The following SHANK2 variants were observed in gnomAD, a reference collection of about 807,000 sequenced individuals.
The protein encoded by SHANK2 is SH3 and multiple ankyrin repeat domains protein 2.
SHANK2 carries 43 observed loss-of-function variants against 133.7 expected under a neutral mutation model. The observed-to-expected ratio is 0.32, with a 90% CI of 0.25 to 0.41. The LOEUF (loss-of-function observed/expected upper bound fraction) is 0.41. Ranked by LOEUF, SHANK2 falls within the 10% of genes least tolerant of loss-of-function variation. The pLI is 1.00. For synonymous variants in SHANK2, 1,017 were observed against 952.8 expected (o/e 1.07, Z -1.24); for missense variants, 1,994 against 2,235.8 (o/e 0.89, Z 2.18).
chr11:70,816,666 G>A (rs1948404616), intron 12 of SHANK2, among the ~76,000 whole-genome samples: 1 of 152,220 alleles, frequency 6.6e-6, no homozygotes, highest in Admixed American at 6.5e-5. Flanking sequence ...ACAAGGAGCA[G>A]AGGGGCTCAG....
chr11:70,531,172 A>C lies in SHANK2; in HGVS notation c.2062-28241T>G, dbSNP rs540792434. 2.1e-3 allele frequency among the ~76,000 whole-genome samples: 321 copies of C among 151,424 alleles called. 5 individuals carry two copies. Among genetic ancestry groups the C allele is most frequent in the Middle Eastern group, 3.4e-3 (1 of 294 alleles). ...GACTGTCTCAAAAAAAAAAAAAAAA[A>C]AAAAAAAAACAAAAAGGCTAAGATT... On this transcript the variant is annotated intron_variant, in intron 17 of 25. Coordinates refer to ENST00000601538, the MANE Select transcript of SHANK2 (RefSeq NM_012309.5).
intron 2 of SHANK2, among the ~76,000 whole-genome samples, chr11:71,161,420 C>G (rs577471957): frequency 6.6e-6 from 1 of 152,288 alleles, no homozygotes; most frequent in African/African-American, 2.4e-5. Context: ...TCTTCCTGAT[C>G]CAGGAGAGAT....
chr11:70,519,261 A>G (rs1401807517), intron 17 of SHANK2, among the ~76,000 whole-genome samples: 1 of 152,200 alleles, frequency 6.6e-6, no homozygotes, highest in Non-Finnish European at 1.5e-5. Flanking sequence ...ACTCTGAGGC[A>G]CAGTGTATGT....
At chr11:70,478,488 G>T (rs2058692548) in intron 25 of SHANK2, among the ~76,000 whole-genome samples, 1 of 152,236 alleles carries the variant, frequency 6.6e-6, no homozygotes, top group African/African-American at 2.4e-5. Flanking sequence ...CATCTTGCAT[G>T]AAAATAGCAC....
rs536279771 is a variant in SHANK2 at position 71,157,065 on chromosome 11, T to C, written c.-12-9727A>G. On this transcript the variant is annotated intron_variant, in intron 2 of 25. Transcript: ENST00000601538. ...CACCAACATGACACATGTATACATA[T>C]GTAACAAACCTGCACGTTGTGCACA... is the stretch of plus-strand genomic sequence containing the variant. 1.4e-4 allele frequency among the ~76,000 whole-genome samples: 22 copies of C among 152,304 alleles called. 1 individual carries two copies. In the South Asian group the frequency reaches 4.2e-3, roughly 29 times the overall value.
chr11:70,588,916 CAT>C (rs1480469147), intron 17 of SHANK2, among the ~76,000 whole-genome samples: 4 of 152,248 alleles, frequency 2.6e-5, no homozygotes, highest in Non-Finnish European at 4.4e-5. Flanking sequence ...CTCCCGGGTT[CAT>C]GCCATTCTCC....
chr11:71,133,060 G>A (rs1229886739), intron 3 of SHANK2, among the ~76,000 whole-genome samples: 5 of 152,148 alleles, frequency 3.3e-5, no homozygotes, highest in South Asian at 2.1e-4. Context: ...AGGACATGGC[G>A]GGGCTACTCA....
chr11:71,085,700 T>C lies in SHANK2; in HGVS notation c.912+6722A>G, dbSNP rs1479514194. Among the ~76,000 whole-genome samples the C allele has an allele frequency of 5.5e-4, 16 of 28,988 alleles. No individual in the cohort carries two copies. The East Asian group carries it at 6.4e-3, about 12-fold the overall frequency. 19.0% of individuals were successfully genotyped at this position (28,988 alleles called of 152,430 possible). The stretch of plus-strand genomic sequence containing the variant: ...ATATATAATATAATATATAACATAT[T>C]ATATGTTATATATATTATATTATAT... On this transcript the variant is annotated intron_variant, in intron 8 of 25. Coordinates refer to ENST00000601538, the MANE Select transcript of SHANK2 (RefSeq NM_012309.5).
intron 10 of SHANK2, chr11:70,952,687 G>A (rs927296448): frequency 1.4e-5 from 5 of 346,534 alleles, no homozygotes; most frequent in South Asian, 2.2e-5. Context: ...ATGCAAAGGT[G>A]AGGCTGCTTC....
Position 70,580,826 on chromosome 11 carries a change from T to C in SHANK2, c.2062-77895A>G, listed in dbSNP as rs574127638. ...CACAAAGCCTGTGCTGCTCTCAAAG[T>C]CTGGAGCCAGTTTGGCTGGGGGGAC... On this transcript the variant is annotated intron_variant, in intron 17 of 25. Coordinates refer to ENST00000601538, the MANE Select transcript of SHANK2 (RefSeq NM_012309.5). 4.6e-5 allele frequency among the ~76,000 whole-genome samples: 7 copies of C among 152,306 alleles called. No homozygotes were observed. The East Asian group carries it at 1.4e-3, about 29-fold the overall frequency.
chr11:70,661,140 G>A (rs1429899304), intron 16 of SHANK2, among the ~76,000 whole-genome samples: 25 of 152,154 alleles, frequency 1.6e-4, no homozygotes, highest in Admixed American at 1.6e-3. Flanking sequence ...GCCGCCCTTG[G>A]AGCCAAAGCC....
chr11:70,754,581 C>T (rs1946825345), intron 14 of SHANK2, among the ~76,000 whole-genome samples: 2 of 152,194 alleles, frequency 1.3e-5, no homozygotes, highest in African/African-American at 4.8e-5. Context: ...CCGGTGAGCT[C>T]GAGCAGAGCC....
At chr11:71,083,573 C>T (rs1020927267) in intron 8 of SHANK2, among the ~76,000 whole-genome samples, 1 of 152,132 alleles carries the variant, frequency 6.6e-6, no homozygotes, top group Admixed American at 6.5e-5. Flanking sequence ...GGCCAACAGA[C>T]AGCATGAGGA....
chr11:70,553,092 A>G (rs966100959), intron 17 of SHANK2, among the ~76,000 whole-genome samples: 1 of 151,960 alleles, frequency 6.6e-6, no homozygotes, highest in South Asian at 2.1e-4. Context: ...TGACTTTAAT[A>G]ATCTCCTTTA....
In SHANK2 at chr11:70,739,938, T is replaced by TA. The variant is rs1385521687; in HGVS notation, c.1778-41176dup. ...ATCCTGGCATTCGGTGGCACGCAGG[T>TA]AGGGCACAGAAGTCCAGCTTGGCTC... On this transcript the variant is annotated intron_variant, in intron 14 of 25. Transcript: ENST00000601538. The surrounding 1 kb of genome is among the most constrained non-coding windows in gnomAD (Gnocchi z 4.3). Among the ~76,000 whole-genome samples the TA allele has an allele frequency of 3.9e-5, 6 of 152,164 alleles. No homozygotes were observed. The highest frequency in any genetic ancestry group is 1.4e-4 in the African/African-American group (6 of 41,424).
At position 70,486,865 on chromosome 11, in the gene SHANK2, G is replaced by A. The variant is rs781984404; in HGVS notation, c.3428C>T (p.Ser1143Phe). The change falls in exon 25 of 26, where the codon TCC becomes TTC. Residue 1143 changes from serine to phenylalanine, a missense_variant. Transcript: ENST00000601538. The surrounding 1 kb of genome is among the most constrained non-coding windows in gnomAD (Gnocchi z 8.0). The part of the protein sequence containing the change: ...ADEDSAEQLS[S>F]PMPSATPREP... ...CCTGGGCGTGGCACTCGGCATGGGGGATGACAGCTGCTCAGCGCTGTCCTC... is the reference window on the plus strand; with the variant it reads ...CCTGGGCGTGGCACTCGGCATGGGGAATGACAGCTGCTCAGCGCTGTCCTC... 6.2e-7 allele frequency: 1 copy of A among 1,612,738 alleles called. No individual in the cohort carries two copies. Among genetic ancestry groups the A allele is most frequent in the Non-Finnish European group, 8.5e-7 (1 of 1,179,924 alleles).
At chr11:71,131,973 C>A (rs1565469250) in intron 3 of SHANK2, among the ~76,000 whole-genome samples, 1 of 152,180 alleles carries the variant, frequency 6.6e-6, no homozygotes, top group Non-Finnish European at 1.5e-5. Flanking sequence ...TAAGGGGGTC[C>A]CCGAGGCCGA....
chr11:70,713,932 A>G (rs1783620), intron 14 of SHANK2, among the ~76,000 whole-genome samples: 2,377 of 152,324 alleles, frequency 0.016, 40 homozygotes, highest in African/African-American at 0.045. Context: ...AGCTCTGGGC[A>G]CTGCCTTGTG....
At chr11:70,549,206 G>A (rs1165471207) in intron 17 of SHANK2, among the ~76,000 whole-genome samples, 4 of 152,302 alleles carry the variant, frequency 2.6e-5, no homozygotes, top group East Asian at 1.9e-4. Context: ...TCCGACTTAC[G>A]TAGGTACTTA....
Sources: allele counts gnomAD v4.1 joint callset (sites outside exome capture counted in the v4.1 genomes callset), GRCh38; gene constraint gnomAD v4.1.1; non-coding constraint Gnocchi (gnomAD v3.1); transcripts MANE v1.5; gene names NCBI Gene and HGNC (gene_info 2026-07-23, HGNC 2026-07-21).